Variants in SPTSSB observed in about 807,000 individuals in gnomAD.
The protein encoded by SPTSSB is serine palmitoyltransferase small subunit B, also known as androgen down regulated in mouse prostate.
A neutral mutation model predicts 7.7 loss-of-function variants in SPTSSB; 6 were observed. The observed-to-expected ratio is 0.78, with a 90% CI of 0.43 to 1.54. SPTSSB has a LOEUF of 1.54. SPTSSB is among the 40% of genes most tolerant of loss of function. The probability of loss-of-function intolerance (pLI) is 0.01; values close to 1 mark genes in which losing one functional copy is unlikely to be tolerated. For missense variants in SPTSSB, 91 were observed against 93.0 expected (o/e 0.98, Z 0.09); for synonymous variants, 28 against 29.7 (o/e 0.94, Z 0.19).
At chr3:161,360,161 C>A (rs2108164203) in intron 1 of SPTSSB, among the ~76,000 whole-genome samples, 1 of 152,174 alleles carries the variant, frequency 6.6e-6, no homozygotes, top group South Asian at 2.1e-4. Flanking sequence ...AGGGGAGGCC[C>A]AAGGAGGGAC....
chr3:161,354,782 G>A (rs1329248163), intron 2 of SPTSSB, among the ~76,000 whole-genome samples: 2 of 152,160 alleles, frequency 1.3e-5, no homozygotes, highest in Non-Finnish European at 2.9e-5. Context: ...CAATTTCAAG[G>A]CAGTCCTATT....
intron 2 of SPTSSB, among the ~76,000 whole-genome samples, chr3:161,348,620 A>G (rs1215373432): frequency 1.3e-5 from 2 of 152,208 alleles, no homozygotes; most frequent in Non-Finnish European, 2.9e-5. Flanking sequence ...AAATACCCCA[A>G]ATCTGCAATG....
intron 1 of SPTSSB, among the ~76,000 whole-genome samples, chr3:161,369,568 C>A (rs1423167395): frequency 6.6e-6 from 1 of 151,288 alleles, no homozygotes; most frequent in Non-Finnish European, 1.5e-5. Flanking sequence ...TTTTTTTGTC[C>A]ACTTTTAAAT....
At chr3:161,349,173 A>G (rs1275278134) in intron 2 of SPTSSB, among the ~76,000 whole-genome samples, 1 of 152,210 alleles carries the variant, frequency 6.6e-6, no homozygotes, top group Non-Finnish European at 1.5e-5. Flanking sequence ...AAGGCATTAC[A>G]GGCAGGAGAT....
chr3:161,354,266 G>A (rs336570), intron 2 of SPTSSB, among the ~76,000 whole-genome samples: 98,321 of 152,154 alleles, frequency 0.65, 33,827 homozygotes, highest in East Asian at 0.97. Context: ...AGTTCAGTCA[G>A]GTTGTTGTTG....
chr3:161,352,527 G>A (rs557237681), intron 2 of SPTSSB, among the ~76,000 whole-genome samples: 52 of 152,310 alleles, frequency 3.4e-4, no homozygotes, highest in African/African-American at 1.1e-3. Flanking sequence ...AAGACTATGA[G>A]GGCTTTGGGT....
At chr3:161,359,757 G>A (rs1401141742) in intron 2 of SPTSSB, 45 bp downstream of exon 2, 5 of 985,264 alleles carry the variant, frequency 5.1e-6, no homozygotes, top group Non-Finnish European at 6.0e-6. Flanking sequence ...AAAAGGGGCA[G>A]ATTTCTCAAA....
At chr3:161,366,136 G>C (rs942475283) in intron 1 of SPTSSB, among the ~76,000 whole-genome samples, 3 of 152,078 alleles carry the variant, frequency 2.0e-5, no homozygotes, top group Admixed American at 2.0e-4. Flanking sequence ...ACAATTCTCT[G>C]GAAGACTGTA....
chr3:161,367,492 A>G (rs1715273009), intron 1 of SPTSSB, among the ~76,000 whole-genome samples: 1 of 152,230 alleles, frequency 6.6e-6, no homozygotes, highest in Admixed American at 6.5e-5. Context: ...CACCCCCATG[A>G]CACTCTGAGG....
chr3:161,346,430 T>G, intron 2 of SPTSSB, 75 bp from the exon 3 acceptor site: 1 of 686,226 alleles, frequency 1.5e-6, no homozygotes, highest in Non-Finnish European at 2.5e-6. Flanking sequence ...GATCTCAGCA[T>G]GTTAAAATCT....
intron 2 of SPTSSB, among the ~76,000 whole-genome samples, chr3:161,346,874 G>A (rs952482347): frequency 2.6e-5 from 4 of 152,176 alleles, no homozygotes; most frequent in Admixed American, 1.3e-4. Flanking sequence ...GAGGGGCCAC[G>A]GAGGGAGAAG....
chr3:161,368,297 C>T (rs1298660754), intron 1 of SPTSSB, among the ~76,000 whole-genome samples: 1 of 152,176 alleles, frequency 6.6e-6, no homozygotes, highest in Non-Finnish European at 1.5e-5. Flanking sequence ...ACTTAAAGTA[C>T]ACAATTCAGT....
At chr3:161,368,985 A>G (rs1715338896) in intron 1 of SPTSSB, among the ~76,000 whole-genome samples, 2 of 152,248 alleles carry the variant, frequency 1.3e-5, no homozygotes, top group Admixed American at 6.5e-5. Flanking sequence ...GGTTGTTTCA[A>G]TCAGCTTCTT....
rs996570432 is a variant in SPTSSB, at chr3:161,345,059, C to T, written c.*1034G>A. The T allele has an allele frequency of 2.6e-5, 4 of 152,542 alleles. No homozygotes were observed. The highest frequency in any genetic ancestry group is 7.2e-5 in the African/African-American group (3 of 41,398). 9.4% of individuals were successfully genotyped at this position (152,542 alleles called of 1,614,324 possible). A position where few individuals can be genotyped will look rare whatever the true frequency, so the allele number is the denominator to read the frequency against. On this transcript the variant is annotated 3_prime_UTR_variant, in exon 3 of 3. Transcript: ENST00000620149. ...TTGGGAGGAAAGCAAAACTGCAAAA[C>T]GTAGTCTTTGGCATTCACATTTGCT...
chr3:161,366,169 G>C (rs968201222), intron 1 of SPTSSB, among the ~76,000 whole-genome samples: 3 of 152,154 alleles, frequency 2.0e-5, no homozygotes, highest in African/African-American at 4.8e-5. Context: ...AAAGCTAGAG[G>C]AAGAGACCAA....
chr3:161,350,048 T>TA (rs1207276360), intron 2 of SPTSSB, among the ~76,000 whole-genome samples: 37 of 151,830 alleles, frequency 2.4e-4, no homozygotes, highest in Middle Eastern at 3.2e-3. Flanking sequence ...ATGTAACAAT[T>TA]AAAAAAAACC....
intron 1 of SPTSSB, among the ~76,000 whole-genome samples, chr3:161,369,420 A>C (rs1715408656): frequency 1.2e-5 from 1 of 80,998 alleles, no homozygotes; most frequent in Non-Finnish European, 2.3e-5. Context: ...TGTGATAGCC[A>C]TTCCGGTTGG....
At chr3:161,370,566 C>G (rs1333318770) in intron 1 of SPTSSB, among the ~76,000 whole-genome samples, 2 of 152,168 alleles carry the variant, frequency 1.3e-5, no homozygotes, top group Non-Finnish European at 2.9e-5. Context: ...ATTACCATGT[C>G]TTTCTTAATT....
chr3:161,355,393 A>T (rs1343194772), intron 2 of SPTSSB, among the ~76,000 whole-genome samples: 1 of 152,226 alleles, frequency 6.6e-6, no homozygotes, highest in African/African-American at 2.4e-5. Flanking sequence ...AAGTCATTAA[A>T]GGTGTATCCA....
Sources: gnomAD v4.1 joint callset for allele counts (sites outside exome capture counted in the v4.1 genomes callset) on GRCh38, gnomAD v4.1.1 for gene constraint, MANE v1.5 for transcripts, NCBI Gene and HGNC (gene_info 2026-07-23, HGNC 2026-07-21) for gene names.